The following MEIG1 variants were observed in gnomAD, a reference collection of about 807,000 sequenced individuals.
MEIG1 encodes the protein meiosis/spermiogenesis associated 1.
Under a neutral mutation model 11.3 loss-of-function variants are expected in MEIG1, and 12 were observed. The observed-to-expected ratio is 1.07, with a 90% CI of 0.68 to 1.73. The LOEUF (loss-of-function observed/expected upper bound fraction) is 1.73. Among genes scored for constraint, MEIG1 ranks in the 40% most tolerant of loss-of-function variants. The probability of loss-of-function intolerance (pLI) is 0.00; values close to 1 mark genes in which losing one functional copy is unlikely to be tolerated. For missense variants in MEIG1, 119 were observed against 104.9 expected, an observed-to-expected ratio of 1.13 and a Z score of -0.59; for synonymous variants, 41 against 33.2, an observed-to-expected ratio of 1.24 and a Z score of -0.81.
chr10:14,986,999 C>T (rs543774872), exon 2 of MEIG1: 5 of 665,076 alleles, frequency 7.5e-6, no homozygotes, highest in East Asian at 1.3e-4. Context: ...GACACCAAAA[C>T]GAAGAAGACA....
chr10:14,958,726 C>T (rs970134456), upstream of MEIG1, among the ~76,000 whole-genome samples: 2 of 152,080 alleles, frequency 1.3e-5, no homozygotes, highest in African/African-American at 4.8e-5. Flanking sequence ...GAAACCCCGT[C>T]TCTACTAAAA....
chr10:14,982,544 T>C (rs1843275690), intron 1 of MEIG1, among the ~76,000 whole-genome samples: 1 of 151,948 alleles, frequency 6.6e-6, no homozygotes, highest in Non-Finnish European at 1.5e-5. Flanking sequence ...CGGGGTATTG[T>C]TTTCCCAGTT....
At position 14,966,489 on chromosome 10, in the gene MEIG1, A is replaced by G; in HGVS notation, c.21A>G (p.Lys7=). The G allele has an allele frequency of 6.2e-7, 1 of 1,609,812 alleles. No individual in the cohort carries two copies. MASSDV[K]PKSVSHAKKW... is the part of the protein sequence containing the mutation. ...TAACCATGGCTAGTTCTGACGTAAA[A>G]CCAAAATCAGTAAGTCATGCCAAAA... The change falls in exon 2 of 3, where the codon AAA becomes AAG. Residue 7 remains lysine (K), a synonymous_variant. Transcript: ENST00000407572.
intron 2 of MEIG1, among the ~76,000 whole-genome samples, chr10:14,971,261 A>C (rs867241750): frequency 2.0e-5 from 3 of 147,408 alleles, no homozygotes; most frequent in South Asian, 2.1e-4. Context: ...ATGGTAGAAG[A>C]AATTAAAAAA....
rs191666148 is a variant in MEIG1 at position 14,983,145 on chromosome 10, C to T, written n.67-3651C>T. 9.9e-5 allele frequency among the ~76,000 whole-genome samples: 15 copies of T among 152,178 alleles called. No individual in the cohort carries two copies. The East Asian group carries it at 2.5e-3, about 25-fold the overall frequency. On this transcript the variant is annotated intron_variant and non_coding_transcript_variant, in intron 1 of 2. Coordinates refer to the MEIG1 transcript ENST00000467536. Reference sequence around the variant, plus strand: ...GAGAGCATGATATTACGTTTAATATCGCAGTAGCTGTACACCCACCCGGTG... The same window carrying T: ...GAGAGCATGATATTACGTTTAATATTGCAGTAGCTGTACACCCACCCGGTG...
intron 2 of MEIG1, among the ~76,000 whole-genome samples, chr10:14,967,991 T>C (rs1288364931): frequency 6.6e-6 from 1 of 152,232 alleles, no homozygotes; most frequent in Non-Finnish European, 1.5e-5. Flanking sequence ...GTCAACTGTA[T>C]TGTAAAATAT....
At position 14,983,490 on chromosome 10, in the gene MEIG1, A is replaced by G. The variant is rs539627751; in HGVS notation, n.67-3306A>G. On this transcript the variant is annotated intron_variant and non_coding_transcript_variant, in intron 1 of 2. Coordinates refer to the MEIG1 transcript ENST00000467536. ...ACACCCATCCTGGGATATTCTTCCT[A>G]ATATCCATGGAGAGGAGAGGCTGAT... Among the ~76,000 whole-genome samples the G allele has an allele frequency of 8.2e-4, 125 of 152,114 alleles. 1 individual carries two copies. In the Middle Eastern group the frequency reaches 0.02, roughly 25 times the overall value.
At chr10:14,964,636 CT>C (rs35249492) in intron 1 of MEIG1, among the ~76,000 whole-genome samples, 165 of 49,208 alleles carry the variant, frequency 3.4e-3, no homozygotes, top group African/African-American at 0.012. Flanking sequence ...TATATGTATA[CT>C]TTTTTTTTTT....
chr10:14,974,643 A>G (rs557204160), downstream of MEIG1, among the ~76,000 whole-genome samples: 13 of 152,220 alleles, frequency 8.5e-5, no homozygotes, highest in South Asian at 2.1e-3. Context: ...TATCAATATT[A>G]ATAACTGATC....
chr10:14,974,384 T>G (rs1336062117), downstream of MEIG1, among the ~76,000 whole-genome samples: 5 of 152,144 alleles, frequency 3.3e-5, no homozygotes, highest in East Asian at 9.6e-4. Context: ...AATTAGGGCT[T>G]GTGGCTTTTC....
chr10:14,985,503 A>T (rs1843309950), intron 1 of MEIG1, among the ~76,000 whole-genome samples: 1 of 151,848 alleles, frequency 6.6e-6, no homozygotes, highest in Admixed American at 6.6e-5. Flanking sequence ...TTTTAATGTC[A>T]CCGGGAGTGT....
At position 14,967,819 on chromosome 10, in the gene MEIG1, A is replaced by G. The variant is rs184326251; in HGVS notation, c.138+1213A>G. On this transcript the variant is annotated intron_variant, in intron 2 of 2. Coordinates refer to ENST00000407572, the MANE Select transcript of MEIG1 (RefSeq NM_001080836.3). ...ACTAATATCTTGATATATTTTATGC[A>G]TTCATGACAAACCTTTTCTTAATTA... 6.0e-4 allele frequency among the ~76,000 whole-genome samples: 69 copies of G among 115,670 alleles called. 1 individual carries two copies. In the Middle Eastern group the frequency reaches 0.016, roughly 27 times the overall value. 75.9% of individuals were successfully genotyped at this position (115,670 alleles called of 152,430 possible).
At chr10:14,965,742 A>G (rs1179060145) in intron 1 of MEIG1, among the ~76,000 whole-genome samples, 1 of 148,188 alleles carries the variant, frequency 6.7e-6, no homozygotes, top group Non-Finnish European at 1.5e-5. Flanking sequence ...TAAGTAATGG[A>G]ATGGTGGTGG....
At chr10:14,959,051 T>A (rs915527820), upstream of MEIG1, among the ~76,000 whole-genome samples, 2 of 152,366 alleles carry the variant, frequency 1.3e-5, no homozygotes, top group South Asian at 4.1e-4. Flanking sequence ...TCAGGCACTA[T>A]GGCGACTCTC....
At chr10:14,970,167 C>A (rs997994271) in intron 2 of MEIG1, 3 of 152,120 alleles carry the variant, frequency 2.0e-5, no homozygotes, top group African/African-American at 7.2e-5. Flanking sequence ...TTTTTCATTA[C>A]CTGGTGGTAT....
At chr10:14,963,254 G>T (rs1331592432) in intron 1 of MEIG1, among the ~76,000 whole-genome samples, 1 of 151,924 alleles carries the variant, frequency 6.6e-6, no homozygotes, top group Non-Finnish European at 1.5e-5. Flanking sequence ...GCGCCACCAC[G>T]CCCGGCTAAT....
At chr10:14,977,276 C>G (rs1027887528), downstream of MEIG1, among the ~76,000 whole-genome samples, 10 of 151,964 alleles carry the variant, frequency 6.6e-5, no homozygotes, top group African/African-American at 2.2e-4. Flanking sequence ...GGTGTACACC[C>G]CATGTTATTA....
At chr10:14,987,196 G>A in intron 2 of MEIG1, 1 of 975,958 alleles carries the variant, frequency 1.0e-6, no homozygotes. Flanking sequence ...CAGTCACCTT[G>A]GGAACCGTGG....
At position 14,972,734 on chromosome 10, in the gene MEIG1, A is replaced by G. The variant is rs1843167157; in HGVS notation, c.*93A>G. The G allele has an allele frequency of 8.3e-7, 1 of 1,206,110 alleles. No individual in the cohort carries two copies. The highest frequency in any genetic ancestry group is 2.6e-5 in the East Asian group (1 of 38,644). 74.7% of individuals were successfully genotyped at this position (1,206,110 alleles called of 1,614,324 possible). A position where few individuals can be genotyped will look rare whatever the true frequency, so the allele number is the denominator to read the frequency against. On this transcript the variant is annotated 3_prime_UTR_variant, in exon 3 of 3. Coordinates refer to ENST00000407572, the MANE Select transcript of MEIG1 (RefSeq NM_001080836.3). ...TTGTCATTTGATGAAATAATTCAAG[A>G]TGCAGTCTGCAGTTTAATGTTTTGT...
Sources: gnomAD v4.1 joint callset for allele counts (sites outside exome capture counted in the v4.1 genomes callset) on GRCh38, gnomAD v4.1.1 for gene constraint, MANE v1.5 for transcripts, NCBI Gene and HGNC (gene_info 2026-07-23, HGNC 2026-07-21) for gene names.